The following ESRRG variants were observed in gnomAD, a reference collection of about 807,000 sequenced individuals.
The protein encoded by ESRRG is estrogen related receptor gamma, also known as estrogen-related receptor gamma.
Under a neutral mutation model 44.0 loss-of-function variants are expected in ESRRG, and 13 were observed. The ratio of observed to expected loss-of-function variants is 0.30; its 90% CI spans 0.19 to 0.47. ESRRG has a LOEUF of 0.47. ESRRG is among the 20% of genes least tolerant of loss of function. The pLI, the probability that ESRRG is intolerant of heterozygous loss-of-function variation, is 1.00. For missense variants in ESRRG, 395 were observed against 580.6 expected, an observed-to-expected ratio of 0.68 and a Z score of 3.29; for synonymous variants, 215 against 214.6, an observed-to-expected ratio of 1.00 and a Z score of -0.02.
intron 1 of ESRRG, among the ~76,000 whole-genome samples, chr1:217,018,652 C>T (rs2079814707): frequency 6.6e-6 from 1 of 152,126 alleles, no homozygotes; most frequent in African/African-American, 2.4e-5. Flanking sequence ...CAATTTCTTA[C>T]CTCTGCATTT....
At chr1:216,514,112 C>A (rs1430517013) in intron 6 of ESRRG, among the ~76,000 whole-genome samples, 4 of 152,050 alleles carry the variant, frequency 2.6e-5, no homozygotes, top group Non-Finnish European at 5.9e-5. Context: ...TGCCAAGACA[C>A]AGTGACCATT....
chr1:217,013,563 A>G (rs12026385), intron 1 of ESRRG, among the ~76,000 whole-genome samples: 5 of 152,322 alleles, frequency 3.3e-5, no homozygotes, highest in East Asian at 1.9e-4. Flanking sequence ...TCTCTGCCAG[A>G]TAATTTAGGG....
At chr1:216,638,070 C>T (rs543431869) in intron 3 of ESRRG, among the ~76,000 whole-genome samples, 1 of 151,998 alleles carries the variant, frequency 6.6e-6, no homozygotes, top group Non-Finnish European at 1.5e-5. Flanking sequence ...GTACTAGGTG[C>T]CATGAAAGAC....
chr1:216,999,328 A>T (rs1172979144), intron 1 of ESRRG, among the ~76,000 whole-genome samples: 2 of 152,232 alleles, frequency 1.3e-5, no homozygotes, highest in Non-Finnish European at 2.9e-5. Flanking sequence ...GGTACTATCC[A>T]TAAGGATACT....
At chr1:217,132,393 C>T (rs533482538) in intron 1 of ESRRG, among the ~76,000 whole-genome samples, 33 of 152,228 alleles carry the variant, frequency 2.2e-4, no homozygotes, top group Non-Finnish European at 4.7e-4. Flanking sequence ...GATGACACAG[C>T]CATGCTGGTA....
chr1:217,089,837 A>T (rs1580542519), upstream of ESRRG, among the ~76,000 whole-genome samples: 2 of 152,054 alleles, frequency 1.3e-5, no homozygotes, highest in African/African-American at 4.8e-5. Context: ...CCGGAGCGCC[A>T]AGGCGCCTCC....
chr1:216,655,414 G>T (rs927790417), intron 2 of ESRRG, among the ~76,000 whole-genome samples: 1 of 152,156 alleles, frequency 6.6e-6, no homozygotes, highest in African/African-American at 2.4e-5. Context: ...TGCTTAGGAA[G>T]ATCAGCAAAT....
chr1:216,909,043 C>T (rs1436879), intron 2 of ESRRG, among the ~76,000 whole-genome samples: 13,444 of 152,020 alleles, frequency 0.088, 891 homozygotes, highest in East Asian at 0.2. Context: ...ACATATATTT[C>T]CTCGACCTCT....
At chr1:216,706,705 G>A (rs777673573) in intron 1 of ESRRG, among the ~76,000 whole-genome samples, 3 of 152,102 alleles carry the variant, frequency 2.0e-5, no homozygotes, top group Non-Finnish European at 4.4e-5. Flanking sequence ...GGCATATTCC[G>A]ATTGGCAATG....
intron 2 of ESRRG, chr1:216,865,328 C>G (rs1295028604): frequency 3.3e-5 from 5 of 151,886 alleles, no homozygotes; most frequent in South Asian, 2.1e-4. Context: ...GTTTGCTCAG[C>G]TCAGATCATT....
intron 5 of ESRRG, among the ~76,000 whole-genome samples, chr1:216,531,557 G>A (rs145694903): frequency 1.3e-5 from 2 of 152,180 alleles, no homozygotes; most frequent in East Asian, 3.9e-4. Flanking sequence ...TGGATGACTA[G>A]CCAAGTTAAA....
chr1:216,550,257 C>T (rs1558431149), intron 5 of ESRRG, among the ~76,000 whole-genome samples: 2 of 152,076 alleles, frequency 1.3e-5, no homozygotes, highest in Non-Finnish European at 2.9e-5. Context: ...TAAAAATTGA[C>T]TGTTGGTTCT....
intron 5 of ESRRG, among the ~76,000 whole-genome samples, chr1:216,534,873 C>T (rs1457615223): frequency 1.3e-5 from 2 of 152,108 alleles, no homozygotes; most frequent in Non-Finnish European, 2.9e-5. Context: ...CTCATGTTGG[C>T]TCGTTTCACG....
chr1:217,082,855 A>G (rs888901071), intron 1 of ESRRG, among the ~76,000 whole-genome samples: 2 of 152,200 alleles, frequency 1.3e-5, no homozygotes, highest in African/African-American at 2.4e-5. Flanking sequence ...AGTACTGCTA[A>G]TATTTCAGTA....
intron 2 of ESRRG, among the ~76,000 whole-genome samples, chr1:216,829,707 C>T (rs2095455860): frequency 1.3e-5 from 2 of 152,074 alleles, no homozygotes; most frequent in Non-Finnish European, 2.9e-5. Flanking sequence ...GCGCCTGCCA[C>T]CATGCCCACC....
intron 2 of ESRRG, among the ~76,000 whole-genome samples, chr1:216,852,380 A>G (rs929005782): frequency 6.6e-6 from 1 of 152,206 alleles, no homozygotes; most frequent in Non-Finnish European, 1.5e-5. Flanking sequence ...TGGAGAAGAA[A>G]CCGTGGCACA....
At chr1:216,764,573 G>A (rs1048958009) in intron 2 of ESRRG, among the ~76,000 whole-genome samples, 3 of 151,906 alleles carry the variant, frequency 2.0e-5, no homozygotes, top group Non-Finnish European at 4.4e-5. Flanking sequence ...CCGGCCCAGG[G>A]GGGGACTCTT....
chr1:217,008,696 G>A (rs558397058), intron 1 of ESRRG, among the ~76,000 whole-genome samples: 1 of 152,182 alleles, frequency 6.6e-6, no homozygotes, highest in Non-Finnish European at 1.5e-5. Context: ...AATCTTAAAG[G>A]TTTTATTTTA....
At chr1:216,990,200 T>C (rs1476315365) in intron 1 of ESRRG, among the ~76,000 whole-genome samples, 1 of 152,130 alleles carries the variant, frequency 6.6e-6, no homozygotes, top group Non-Finnish European at 1.5e-5. Context: ...CAGGCAAAGA[T>C]AACATTTCTA....
Sources: gnomAD v4.1 joint callset for allele counts (sites outside exome capture counted in the v4.1 genomes callset) on GRCh38, gnomAD v4.1.1 for gene constraint, MANE v1.5 for transcripts, NCBI Gene and HGNC (gene_info 2026-07-23, HGNC 2026-07-21) for gene names.